YEATS2: variants seen among roughly 807,000 people sequenced by gnomAD.
YEATS2 encodes the protein YEATS domain-containing protein 2.
In YEATS2, 77 loss-of-function variants were observed where a neutral mutation model predicts 163.2. The observed-to-expected ratio is 0.47, with a 90% CI of 0.39 to 0.57. The LOEUF (loss-of-function observed/expected upper bound fraction) is 0.57, where lower values mean the gene tolerates loss of function less well. Among genes scored for constraint, YEATS2 ranks in the 20% least tolerant of loss-of-function variants. The pLI is 0.00. For missense variants in YEATS2, 1,549 were observed against 1,729.8 expected (o/e 0.90, Z 1.85); for synonymous variants, 631 against 645.1 (o/e 0.98, Z 0.33).
intron 15 of YEATS2, among the ~76,000 whole-genome samples, chr3:183,769,136 G>C (rs1438006384): frequency 6.6e-6 from 1 of 152,184 alleles, no homozygotes; most frequent in African/African-American, 2.4e-5. Flanking sequence ...TAAACATACA[G>C]AAAAGTAGGG....
At chr3:183,798,112 C>T (rs767579529) in intron 22 of YEATS2, 61 bp downstream of exon 22, 1 of 1,600,858 alleles carries the variant, frequency 6.2e-7, no homozygotes, top group South Asian at 1.1e-5. Context: ...CCCGCATTTA[C>T]CAGGTGGTGA....
intron 11 of YEATS2, among the ~76,000 whole-genome samples, chr3:183,755,849 C>T (rs60110466): frequency 0.011 from 1,645 of 144,608 alleles, 32 homozygotes; most frequent in African/African-American, 0.041. Context: ...CGGGTTCAAG[C>T]GATTCTCCTG....
At chr3:183,702,312 G>T (rs747214474) in intron 1 of YEATS2, among the ~76,000 whole-genome samples, 3 of 152,058 alleles carry the variant, frequency 2.0e-5, no homozygotes, top group African/African-American at 7.2e-5. Context: ...GGGTGTGGTG[G>T]TGCGTGCCTG....
intron 21 of YEATS2, among the ~76,000 whole-genome samples, chr3:183,795,832 C>T (rs1725094412): frequency 6.6e-6 from 1 of 152,116 alleles, no homozygotes; most frequent in Non-Finnish European, 1.5e-5. Context: ...GGAAGTATTA[C>T]TACCTGATGA....
chr3:183,730,804 C>T (rs1717701679), intron 7 of YEATS2, among the ~76,000 whole-genome samples: 1 of 152,174 alleles, frequency 6.6e-6, no homozygotes, highest in Admixed American at 6.6e-5. Context: ...AAACCCTGGT[C>T]TCTTGGTTCT....
intron 13 of YEATS2, among the ~76,000 whole-genome samples, 182 bp downstream of exon 13, chr3:183,759,147 C>T (rs73064491): frequency 7.8e-4 from 119 of 152,300 alleles, no homozygotes; most frequent in African/African-American, 2.5e-3. Flanking sequence ...AGCTGCACCC[C>T]GCCACTTTGC....
At chr3:183,698,465 C>T (rs1270452453) in intron 1 of YEATS2, among the ~76,000 whole-genome samples, 1 of 152,130 alleles carries the variant, frequency 6.6e-6, no homozygotes, top group East Asian at 1.9e-4. Flanking sequence ...GGGCCGGGGC[C>T]AACGCGCCGG....
At chr3:183,809,198 T>C in intron 30 of YEATS2, 28 bp downstream of exon 30, 1 of 1,609,216 alleles carries the variant, frequency 6.2e-7, no homozygotes, top group Non-Finnish European at 8.5e-7. Flanking sequence ...GTCTGTGGTG[T>C]GAGGCTTACA....
chr3:183,749,068 A>G (rs1403505488), intron 9 of YEATS2, among the ~76,000 whole-genome samples: 2 of 151,802 alleles, frequency 1.3e-5, no homozygotes, highest in African/African-American at 2.4e-5. Flanking sequence ...TCAGCCTCCC[A>G]AGTAGCTGGG....
chr3:183,707,909 C>T (rs564461400), intron 1 of YEATS2, among the ~76,000 whole-genome samples: 31 of 151,932 alleles, frequency 2.0e-4, no homozygotes, highest in African/African-American at 5.6e-4. Context: ...CTCCTGACCT[C>T]GTGATCCACC....
Position 183,797,987 on chromosome 3 carries a change from G to T in YEATS2, c.3162G>T (p.Gln1054His), listed in dbSNP as rs1334829887. 1 of 1,614,118 alleles carries T rather than the reference G, an allele frequency of 6.2e-7. No individual in the cohort carries two copies. Among genetic ancestry groups the T allele is most frequent in the South Asian group, 1.1e-5 (1 of 91,072 alleles). ...AGGCCGTCCTGACGATTCCCAGCCA[G>T]CTCAAACCACTCAGCGTAAACACAT... is the stretch of plus-strand genomic sequence containing the variant. Reference protein sequence around the residue: ...PQQAVLTIPSQLKPLSVNTSG... With the variant: ...PQQAVLTIPSHLKPLSVNTSG... The change falls in exon 22 of 31, where the codon CAG (glutamine) becomes CAT (histidine). Residue 1054 changes from glutamine to histidine, a missense_variant. By Grantham distance (24) the Gln-to-His change is conservative. Coordinates refer to ENST00000305135, the MANE Select transcript of YEATS2 (RefSeq NM_018023.5).
chr3:183,708,246 C>G (rs1714826612), intron 1 of YEATS2, among the ~76,000 whole-genome samples: 1 of 149,330 alleles, frequency 6.7e-6, no homozygotes, highest in Admixed American at 6.8e-5. Context: ...ACTGCAACCT[C>G]TGCCTCCTGG....
At chr3:183,774,889 A>G (rs936706141) in intron 17 of YEATS2, among the ~76,000 whole-genome samples, 3 of 152,218 alleles carry the variant, frequency 2.0e-5, no homozygotes, top group Admixed American at 6.5e-5. Flanking sequence ...GAAAAGGACA[A>G]TGTAAATATT....
At chr3:183,773,270 G>C (rs2108389467) in intron 16 of YEATS2, among the ~76,000 whole-genome samples, 1 of 152,188 alleles carries the variant, frequency 6.6e-6, no homozygotes, top group Admixed American at 6.5e-5. Flanking sequence ...CCATAGACAG[G>C]GTGATTATTT....
At chr3:183,753,759 A>G (rs1720426933) in intron 10 of YEATS2, among the ~76,000 whole-genome samples, 1 of 152,142 alleles carries the variant, frequency 6.6e-6, no homozygotes, top group Non-Finnish European at 1.5e-5. Flanking sequence ...AAATAAGTAA[A>G]TAAATAAGAT....
Position 183,804,082 on chromosome 3 carries a change from C to G in YEATS2, c.3678C>G (p.Ile1226Met), listed in dbSNP as rs200964239. 1 of 1,614,002 alleles carries G rather than the reference C, an allele frequency of 6.2e-7. No homozygotes were observed. Among genetic ancestry groups the G allele is most frequent in the Non-Finnish European group, 8.5e-7 (1 of 1,180,036 alleles). Residue 1226 changes from isoleucine (I) to methionine (M), a missense_variant, in exon 27 of 31, where the codon ATC (isoleucine) becomes ATG (methionine). Transcript: ENST00000305135. ...TGACTCCCCTCAAAACCAAGCACAT[C>G]GCTCACTGGTGCCGCTGTCATGGCT... is the stretch of plus-strand genomic sequence containing the variant. Reference protein sequence around the residue: ...HHLTPLKTKHIAHWCRCHGYT... With the variant: ...HHLTPLKTKHMAHWCRCHGYT...
At chr3:183,770,924 T>C (rs1722391732) in intron 15 of YEATS2, among the ~76,000 whole-genome samples, 1 of 152,250 alleles carries the variant, frequency 6.6e-6, no homozygotes, top group Non-Finnish European at 1.5e-5. Flanking sequence ...ACGTTAAGAA[T>C]GTTGTTGCAT....
chr3:183,786,365 G>GGT (rs1359300178), intron 20 of YEATS2, 64 bp downstream of exon 20: 3 of 1,500,674 alleles, frequency 2.0e-6, no homozygotes, highest in Non-Finnish European at 2.7e-6. Context: ...ATACAAGGAA[G>GGT]GTGTCCAGCA....
intron 8 of YEATS2, among the ~76,000 whole-genome samples, chr3:183,746,938 TC>T (rs1479293544): frequency 1.3e-5 from 2 of 152,100 alleles, no homozygotes; most frequent in African/African-American, 4.8e-5. Context: ...TTAATACTTT[TC>T]CCTGTTAATC....
Sources: allele counts gnomAD v4.1 joint callset (sites outside exome capture counted in the v4.1 genomes callset), GRCh38; gene constraint gnomAD v4.1.1; transcripts MANE v1.5; gene names NCBI Gene and HGNC (gene_info 2026-07-23, HGNC 2026-07-21).